Variants in CFAP97 observed in about 807,000 individuals in gnomAD.
CFAP97 encodes cilia and flagella associated protein 97.
A neutral mutation model predicts 43.1 loss-of-function variants in CFAP97; 36 were observed. The observed-to-expected ratio is 0.84, with a 90% CI of 0.64 to 1.10. The LOEUF (loss-of-function observed/expected upper bound fraction) is 1.10. Ranked by LOEUF, CFAP97 falls within the 50% of genes least tolerant of loss-of-function variation. The pLI is 0.00. For missense variants in CFAP97, 657 were observed against 620.3 expected (o/e 1.06, Z -0.63); for synonymous variants, 228 against 225.7 (o/e 1.01, Z -0.09).
intron 2 of CFAP97, among the ~76,000 whole-genome samples, chr4:185,185,633 CTTT>C (rs376786641): frequency 6.6e-5 from 7 of 105,980 alleles, no homozygotes; most frequent in East Asian, 2.6e-4. Context: ...ATTTGCCAAC[CTTT>C]TTTTTTTTTT....
chr4:185,169,649 A>C, intron 3 of CFAP97: 1 of 985,378 alleles, frequency 1.0e-6, no homozygotes, highest in Middle Eastern at 5.2e-4. Flanking sequence ...TGATGTTTAA[A>C]CAAATGTAAA....
intron 2 of CFAP97, among the ~76,000 whole-genome samples, chr4:185,184,582 A>G (rs933750995): frequency 2.0e-5 from 3 of 152,214 alleles, no homozygotes; most frequent in African/African-American, 7.2e-5. Context: ...GAACGAAGCC[A>G]ACACCAGGGC....
At chr4:185,186,542 G>T (rs4861660) in intron 2 of CFAP97, among the ~76,000 whole-genome samples, 1 of 152,222 alleles carries the variant, frequency 6.6e-6, no homozygotes. Context: ...TTTGCATATG[G>T]CATATTTTCT....
intron 2 of CFAP97, among the ~76,000 whole-genome samples, chr4:185,180,989 T>G (rs1227900283): frequency 1.3e-5 from 2 of 152,112 alleles, no homozygotes; most frequent in Non-Finnish European, 2.9e-5. Context: ...AATAAACCAA[T>G]TATATGTGAA....
intron 2 of CFAP97, among the ~76,000 whole-genome samples, chr4:185,187,424 G>A (rs1346323405): frequency 6.6e-6 from 1 of 152,032 alleles, no homozygotes; most frequent in Non-Finnish European, 1.5e-5. Context: ...TAATTTCAGA[G>A]TCTAGTAAGT....
chr4:185,175,741 G>C (rs759514657), intron 3 of CFAP97, 45 bp downstream of exon 3: 23 of 1,575,986 alleles, frequency 1.5e-5, no homozygotes, highest in Non-Finnish European at 2.0e-5. Flanking sequence ...ATACAAATCA[G>C]TGCAAACACA....
chr4:185,205,117 G>A (rs1002146930), upstream of CFAP97, among the ~76,000 whole-genome samples: 1 of 152,166 alleles, frequency 6.6e-6, no homozygotes, highest in African/African-American at 2.4e-5. Context: ...TGTACTTGTT[G>A]GTCTTAATTA....
chr4:185,207,347 G>C (rs1203303531), upstream of CFAP97, among the ~76,000 whole-genome samples: 55 of 150,606 alleles, frequency 3.7e-4, no homozygotes, highest in Non-Finnish European at 5.9e-5. Flanking sequence ...CTCCCGAGTA[G>C]CTGGGACTAC....
intron 3 of CFAP97, among the ~76,000 whole-genome samples, chr4:185,174,682 T>A (rs1735443061): frequency 6.6e-6 from 1 of 152,208 alleles, no homozygotes; most frequent in Non-Finnish European, 1.5e-5. Context: ...GTTTAAAATC[T>A]TGGCTCAGCA....
In CFAP97 at chr4:185,162,801, T is replaced by C. The variant is rs774817164; in HGVS notation, c.1596A>G (p.Leu532=). ...PKPPNVRTAW[L] ...ATGTTTAAAGTAAAAAAGTGTTTTA[T>C]AACCAAGCTGTACGGACATTAGGGG... Residue 532 remains leucine, a synonymous_variant, in exon 5 of 5, where the codon TTA becomes TTG. Transcript: ENST00000458385. 2.5e-6 allele frequency: 4 copies of C among 1,612,642 alleles called. No homozygotes were observed. Among genetic ancestry groups the C allele is most frequent in the African/African-American group, 1.3e-5 (1 of 74,900 alleles).
Position 185,162,879 on chromosome 4 carries a change from A to G in CFAP97, c.1518T>C (p.Ser506=), listed in dbSNP as rs1320661635. 6.2e-7 allele frequency: 1 copy of G among 1,609,762 alleles called. No individual in the cohort carries two copies. Among genetic ancestry groups the G allele is most frequent in the Admixed American group, 1.7e-5 (1 of 59,074 alleles). ...TGGAGGGGTCAACCGCTGATCGCTCACTCCTACAACTGAGACCACTCGTAG... is the reference window on the plus strand; with the variant it reads ...TGGAGGGGTCAACCGCTGATCGCTCGCTCCTACAACTGAGACCACTCGTAG... ...SSATSGLSCR[S]ERSAVDPSSG... The change falls in exon 5 of 5, where the codon AGT becomes AGC. Residue 506 remains serine, a synonymous_variant. Transcript: ENST00000458385.
intron 1 of CFAP97, among the ~76,000 whole-genome samples, chr4:185,194,454 A>C (rs1426339511): frequency 1.3e-5 from 2 of 152,200 alleles, no homozygotes; most frequent in Non-Finnish European, 2.9e-5. Context: ...GCACCATTGC[A>C]CTCCAGCCTG....
At chr4:185,179,864 T>A (rs1257499421) in intron 2 of CFAP97, among the ~76,000 whole-genome samples, 1 of 152,228 alleles carries the variant, frequency 6.6e-6, no homozygotes, top group Non-Finnish European at 1.5e-5. Context: ...TTAAATTGAT[T>A]ATCAATGCTT....
At chr4:185,198,961 A>G (rs949775588) in intron 1 of CFAP97, among the ~76,000 whole-genome samples, 4 of 152,180 alleles carry the variant, frequency 2.6e-5, no homozygotes, top group African/African-American at 9.7e-5. Flanking sequence ...TTTCATAGCT[A>G]GAGGGAGAAG....
In CFAP97 at chr4:185,209,384, G is replaced by C. The variant is rs900144938; in HGVS notation, c.-133C>G. 6.6e-6 allele frequency: 1 copy of C among 152,388 alleles called. No individual in the cohort carries two copies. The highest frequency in any genetic ancestry group is 6.5e-5 in the Admixed American group (1 of 15,290). 9.4% of individuals were successfully genotyped at this position (152,388 alleles called of 1,614,324 possible). A position where few individuals can be genotyped will look rare whatever the true frequency, so the allele number is the denominator to read the frequency against. ...GCAGCAAAATTTTCCATGAACAGACGGCATCCTGTAGAGGAGGAGGGGAGC... is the reference window on the plus strand; with the variant it reads ...GCAGCAAAATTTTCCATGAACAGACCGCATCCTGTAGAGGAGGAGGGGAGC... On this transcript the variant is annotated 5_prime_UTR_variant, in exon 1 of 3. Transcript: ENST00000503223. The surrounding 1 kb of genome is among the most constrained non-coding windows in gnomAD (Gnocchi z 5.2).
upstream of CFAP97, among the ~76,000 whole-genome samples, chr4:185,206,761 A>G (rs1037641319): frequency 6.6e-6 from 1 of 151,680 alleles, no homozygotes; most frequent in East Asian, 1.9e-4. Context: ...GGAATTTATT[A>G]GAGGAATTGG....
intron 1 of CFAP97, among the ~76,000 whole-genome samples, chr4:185,203,247 T>C (rs1030413357): frequency 6.6e-6 from 1 of 152,194 alleles, no homozygotes; most frequent in Non-Finnish European, 1.5e-5. Flanking sequence ...TTATCAAAGC[T>C]GCCTGAGAGT....
Position 185,190,511 on chromosome 4 carries a change from G to T in CFAP97, c.686C>A (p.Ser229Ter). Residue 229 changes from serine (S) to a stop codon, truncating the protein, a stop_gained, in exon 2 of 5, where the codon TCG becomes TAG. Coordinates refer to ENST00000458385, the MANE Select transcript of CFAP97 (RefSeq NM_020827.3). LOFTEE classifies it high-confidence loss of function. Reference protein sequence around the residue: ...PKHKYKSGIKSTETQPSSTTP... With the variant: ...PKHKYKSGIK ...AGTACTTGAAGGCTGTGTTTCTGTC[G>T]ATTTTATTCCTGATTTATACTTGTG... 6.2e-7 allele frequency: 1 copy of T among 1,613,856 alleles called. No individual in the cohort carries two copies.
chr4:185,175,235 T>TCC (rs1469615237), intron 3 of CFAP97, among the ~76,000 whole-genome samples: 1 of 132,760 alleles, frequency 7.5e-6, no homozygotes, highest in East Asian at 2.2e-4. Flanking sequence ...TTTAATGGTC[T>TCC]CCTTCTCTCT....
Sources: allele counts gnomAD v4.1 joint callset (sites outside exome capture counted in the v4.1 genomes callset), GRCh38; gene constraint gnomAD v4.1.1; non-coding constraint Gnocchi (gnomAD v3.1); transcripts MANE v1.5; gene names NCBI Gene and HGNC (gene_info 2026-07-23, HGNC 2026-07-21).